The following KIF11 variants were observed in gnomAD, a reference collection of about 807,000 sequenced individuals.
KIF11 encodes kinesin family member 11.
In KIF11, 9 loss-of-function variants were observed where a neutral mutation model predicts 121.0. The ratio of observed to expected loss-of-function variants is 0.07; its 90% confidence interval spans 0.04 to 0.13. The LOEUF is 0.13. Among genes scored for constraint, KIF11 ranks in the 10% least tolerant of loss-of-function variants. The pLI, the probability that KIF11 is intolerant of heterozygous loss-of-function variation, is 1.00. For missense variants in KIF11, 846 were observed against 1,217.5 expected, an observed-to-expected ratio of 0.69 and a Z score of 4.54; for synonymous variants, 408 against 421.0, an observed-to-expected ratio of 0.97 and a Z score of 0.38.
intron 18 of KIF11, 32 bp downstream of exon 18, chr10:92,645,674 G>A (rs776366389): frequency 6.8e-6 from 10 of 1,462,818 alleles, no homozygotes; most frequent in African/African-American, 2.8e-5. Flanking sequence ...CTTACTTTGG[G>A]GAGAATAATA....
chr10:92,653,547 G>C, intron 21 of KIF11, 118 bp from the exon 22 acceptor site: 2 of 870,242 alleles, frequency 2.3e-6, no homozygotes, highest in Non-Finnish European at 3.4e-6. Context: ...AACCTTTTTT[G>C]GTTTTCTACA....
rs777918900 is a variant in KIF11 at position 92,609,295 on chromosome 10, AGAGAGAGAGT to A, written c.574-88_574-79del. ...GAGAGAGAGAGAGAGAGAGAGAGAG[AGAGAGAGAGT>A]GTGTGTGTGTGTGTGTGTGTGTGTG... On this transcript the variant is annotated intron_variant, in intron 5 of 21. Coordinates refer to ENST00000260731, the MANE Select transcript of KIF11 (RefSeq NM_004523.4). The A allele has an allele frequency of 5.7e-3, 5,598 of 984,174 alleles. 20 individuals are homozygous for A. Among genetic ancestry groups the A allele is most frequent in the East Asian group, 0.033 (516 of 15,492 alleles). 61.0% of individuals were successfully genotyped at this position (984,174 alleles called of 1,614,324 possible).
intron 18 of KIF11, among the ~76,000 whole-genome samples, chr10:92,646,524 A>G (rs1316419916): frequency 2.0e-5 from 3 of 152,290 alleles, no homozygotes; most frequent in East Asian, 3.9e-4. Flanking sequence ...ACAAATAGCT[A>G]ATTTCAGATT....
At chr10:92,636,665 A>G (rs978934721) in intron 14 of KIF11, among the ~76,000 whole-genome samples, 1 of 152,084 alleles carries the variant, frequency 6.6e-6, no homozygotes, top group Admixed American at 6.6e-5. Flanking sequence ...TTGAAAAAAG[A>G]GAAATTATTA....
At chr10:92,606,737 TC>T in intron 3 of KIF11, 21 bp downstream of exon 3, 1 of 1,154,722 alleles carries the variant, frequency 8.7e-7, no homozygotes, top group African/African-American at 1.5e-5. Context: ...GGGTGTTTTT[TC>T]TGATTTATGA....
intron 21 of KIF11, among the ~76,000 whole-genome samples, chr10:92,653,192 G>A (rs1845005936): frequency 6.6e-6 from 1 of 152,184 alleles, no homozygotes; most frequent in Admixed American, 6.5e-5. Flanking sequence ...TGACAGCAGT[G>A]CTATTGGCAT....
intron 17 of KIF11, among the ~76,000 whole-genome samples, chr10:92,643,119 C>T (rs1251872121): frequency 6.6e-6 from 1 of 152,052 alleles, no homozygotes; most frequent in Non-Finnish European, 1.5e-5. Flanking sequence ...ACCATGTTGG[C>T]CAGGCTGGTT....
intron 21 of KIF11, among the ~76,000 whole-genome samples, chr10:92,651,808 T>TC (rs920383961): frequency 1.3e-5 from 2 of 151,902 alleles, no homozygotes; most frequent in African/African-American, 4.8e-5. Context: ...AAATACAACT[T>TC]CCAAGTGAGG....
intron 1 of KIF11, among the ~76,000 whole-genome samples, chr10:92,601,674 G>GAC (rs1398373628): frequency 6.6e-6 from 1 of 151,648 alleles, no homozygotes; most frequent in African/African-American, 2.4e-5. Flanking sequence ...TGGGACTATA[G>GAC]ACACACTACT....
At chr10:92,622,725 T>C (rs889483576) in intron 10 of KIF11, among the ~76,000 whole-genome samples, 1 of 152,210 alleles carries the variant, frequency 6.6e-6, no homozygotes, top group Non-Finnish European at 1.5e-5. Context: ...TTTGTTCTTA[T>C]ACTACTATAG....
At chr10:92,633,601 T>C in intron 13 of KIF11, 22 bp from the exon 14 acceptor site, 1 of 1,548,576 alleles carries the variant, frequency 6.5e-7, no homozygotes, top group South Asian at 1.2e-5. Flanking sequence ...AGTTTACATC[T>C]TTCTGTTTTT....
Position 92,642,862 on chromosome 10 carries a change from C to T in KIF11, c.2268-2501C>T, listed in dbSNP as rs1243172302. Among the ~76,000 whole-genome samples the T allele has an allele frequency of 2.6e-5, 4 of 152,262 alleles. No homozygotes were observed. In the South Asian group the frequency reaches 8.3e-4, roughly 32 times the overall value. On this transcript the variant is annotated intron_variant, in intron 17 of 21. Transcript: ENST00000260731. ...TTTAAAGTGGGTTTCTTATAGACAG[C>T]ATGTAGTTGGGTCTTGCTTTTTCAT...
chr10:92,627,664 T>G (rs980588121), intron 10 of KIF11, among the ~76,000 whole-genome samples: 3 of 152,204 alleles, frequency 2.0e-5, no homozygotes, highest in Non-Finnish European at 4.4e-5. Flanking sequence ...GATTTTTGGC[T>G]GGCAATTAAG....
chr10:92,647,500 A>G (rs1463268913), intron 18 of KIF11, among the ~76,000 whole-genome samples: 1 of 152,222 alleles, frequency 6.6e-6, no homozygotes, highest in African/African-American at 2.4e-5. Flanking sequence ...TGGTTCAAAC[A>G]AAGCAATTGT....
intron 21 of KIF11, among the ~76,000 whole-genome samples, chr10:92,652,315 T>C (rs1844995849): frequency 6.6e-6 from 1 of 152,016 alleles, no homozygotes; most frequent in Non-Finnish European, 1.5e-5. Flanking sequence ...TAATATTGTA[T>C]TTTTAGTAGA....
chr10:92,629,095 C>T (rs1844707438), intron 11 of KIF11, among the ~76,000 whole-genome samples, 200 bp downstream of exon 11: 1 of 151,984 alleles, frequency 6.6e-6, no homozygotes, highest in African/African-American at 2.4e-5. Context: ...ATTCTCCTGC[C>T]TCAGCCTCCC....
intron 10 of KIF11, among the ~76,000 whole-genome samples, 185 bp downstream of exon 10, chr10:92,621,658 G>A (rs1030666989): frequency 3.3e-5 from 5 of 151,290 alleles, no homozygotes; most frequent in Admixed American, 2.6e-4. Context: ...CTGGAGCACA[G>A]TGGCACAATC....
At chr10:92,624,772 GTT>G (rs1297187722) in intron 10 of KIF11, among the ~76,000 whole-genome samples, 4 of 134,794 alleles carry the variant, frequency 3.0e-5, no homozygotes, top group African/African-American at 2.8e-5. Context: ...TGTGTGTGTG[GTT>G]TTTTTTTTTT....
chr10:92,605,482 A>ATT (rs58660991), intron 1 of KIF11, among the ~76,000 whole-genome samples: 67 of 98,282 alleles, frequency 6.8e-4, no homozygotes, highest in Middle Eastern at 6.6e-3. Context: ...ATTTGATCGG[A>ATT]TTTTTTTTTT....
Sources: gnomAD v4.1 joint callset for allele counts (sites outside exome capture counted in the v4.1 genomes callset) on GRCh38, gnomAD v4.1.1 for gene constraint, MANE v1.5 for transcripts, NCBI Gene and HGNC (gene_info 2026-07-23, HGNC 2026-07-21) for gene names.